The following ZNF426 variants were observed in gnomAD, a reference collection of about 807,000 sequenced individuals.
ZNF426 encodes CTC-543D15.7.
A neutral mutation model predicts 24.0 loss-of-function variants in ZNF426; 23 were observed. The ratio of observed to expected loss-of-function variants is 0.96; its 90% CI spans 0.69 to 1.36. The LOEUF (loss-of-function observed/expected upper bound fraction) is 1.36. Ranked by LOEUF, ZNF426 falls within the 40% of genes most tolerant of loss-of-function variation. The pLI, the probability that ZNF426 is intolerant of heterozygous loss-of-function variation, is 0.00. For synonymous variants in ZNF426, 272 were observed against 224.6 expected, an observed-to-expected ratio of 1.21 and a Z score of -1.89; for missense variants, 646 against 658.4, an observed-to-expected ratio of 0.98 and a Z score of 0.21.
In ZNF426 at chr19:9,529,254, G is replaced by C; in HGVS notation, c.791C>G (p.Ser264Cys). The change falls in exon 8 of 8, where the codon TCT (serine) becomes TGT (cysteine). Residue 264 changes from serine to cysteine, a missense_variant. Physicochemically the swap from Ser to Cys is moderately radical, Grantham distance 112. Coordinates refer to ENST00000253115, the MANE Select transcript of ZNF426 (RefSeq NM_024106.3). ...WRNYGPGFID[S>C]TSLSVLIETL... ...TTCTATAAGCACAGAAAGGCTTGTAGAGTCAATAAAACCTGGCCCATAATT... is the reference window on the plus strand; with the variant it reads ...TTCTATAAGCACAGAAAGGCTTGTACAGTCAATAAAACCTGGCCCATAATT... 2 of 1,613,846 alleles carry C rather than the reference G, an allele frequency of 1.2e-6. No individual in the cohort carries two copies. Among genetic ancestry groups the C allele is most frequent in the Non-Finnish European group, 1.7e-6 (2 of 1,179,938 alleles).
chr19:9,527,735 C>G lies in ZNF426; in HGVS notation c.*645G>C, dbSNP rs1218006441. ...AGCCACCACAACAAAATACCACAGA[C>G]TGGGTGGCTCAAACAAGAGAATTTT... On this transcript the variant is annotated 3_prime_UTR_variant, in exon 8 of 8. Transcript: ENST00000253115. The G allele has an allele frequency of 6.6e-6, 1 of 152,206 alleles. No homozygotes were observed. Among genetic ancestry groups the G allele is most frequent in the African/African-American group, 2.4e-5 (1 of 41,444 alleles). The allele number at this position is 152,206 out of a possible 1,614,324, so 9.4% of individuals were successfully genotyped here. A position where few individuals can be genotyped will look rare whatever the true frequency, so the allele number is the denominator to read the frequency against.
chr19:9,537,528 G>T (rs1007344824), intron 2 of ZNF426, among the ~76,000 whole-genome samples: 5 of 148,954 alleles, frequency 3.4e-5, no homozygotes, highest in Non-Finnish European at 7.4e-5. Flanking sequence ...GGGCTCAAGA[G>T]ATCTTCCTGC....
At chr19:9,531,374 G>A (rs1439609321) in intron 6 of ZNF426, among the ~76,000 whole-genome samples, 1 of 152,158 alleles carries the variant, frequency 6.6e-6, no homozygotes, top group South Asian at 2.1e-4. Context: ...AACAAACAGA[G>A]TGAACCACAA....
At chr19:9,536,464 G>A (rs941012378) in intron 2 of ZNF426, 108 bp from the exon 3 acceptor site, 4 of 1,124,446 alleles carry the variant, frequency 3.6e-6, no homozygotes, top group Admixed American at 2.5e-5. Context: ...ATTTTGGGAG[G>A]CCAGGGTGGG....
At position 9,532,918 on chromosome 19, in the gene ZNF426, C is replaced by A. The variant is rs1384153358; in HGVS notation, c.252G>T (p.Gln84His). The A allele has an allele frequency of 1.2e-6, 2 of 1,613,442 alleles. No homozygotes were observed. The highest frequency in any genetic ancestry group is 1.6e-4 in the Middle Eastern group (1 of 6,080). Reference protein sequence around the residue: ...NYKNLATVGGQIIKPSLISWL... With the variant: ...NYKNLATVGGHIIKPSLISWL... The stretch of plus-strand genomic sequence containing the variant: ...AAGAGATTAGACTGGGTTTGATGAT[C>A]TGACCTCCTGAGCACAGAGAAATAC... The change falls in exon 6 of 8, where the codon CAG becomes CAT. Residue 84 changes from glutamine to histidine, a missense_variant. Physicochemically the swap from Gln to His is conservative, Grantham distance 24. Transcript: ENST00000253115.
intron 5 of ZNF426, among the ~76,000 whole-genome samples, chr19:9,533,626 G>A (rs2073920931): frequency 1.3e-5 from 2 of 152,140 alleles, no homozygotes; most frequent in Non-Finnish European, 1.5e-5. Flanking sequence ...GGGTGGAGAA[G>A]GAAAATGTAC....
rs1176822090 is a variant in ZNF426 at position 9,524,867 on chromosome 19, T to C, written c.*3513A>G. On this transcript the variant is annotated 3_prime_UTR_variant, in exon 8 of 8. Coordinates refer to ENST00000253115, the MANE Select transcript of ZNF426 (RefSeq NM_024106.3). ...GGTTTCTTTACCATGTGAGTTCATA[T>C]ACTTGAAATGAATTTAAATAACTAG... The C allele has an allele frequency of 3.3e-5, 5 of 151,800 alleles. No individual in the cohort carries two copies. The highest frequency in any genetic ancestry group is 5.9e-5 in the Non-Finnish European group (4 of 67,938). 9.4% of individuals were successfully genotyped at this position (151,800 alleles called of 1,614,324 possible).
chr19:9,530,371 C>G (rs2073864735), intron 7 of ZNF426, among the ~76,000 whole-genome samples: 1 of 151,888 alleles, frequency 6.6e-6, no homozygotes, highest in African/African-American at 2.4e-5. Flanking sequence ...GGGAGGATCA[C>G]TTGAGCCAAG....
chr19:9,528,576 G>A lies in ZNF426; in HGVS notation c.1469C>T (p.Ser490Leu), dbSNP rs1368030449. ...GTGAGTCCTTTCATGTATTTGAAATGAACTGGAATGACTGAAGGCCTTTCC... is the reference window on the plus strand; with the variant it reads ...GTGAGTCCTTTCATGTATTTGAAATAAACTGGAATGACTGAAGGCCTTTCC... ...QCGKAFSHSS[S>L]FQIHERTHTG... Residue 490 changes from serine to leucine, a missense_variant, in exon 8 of 8, where the codon TCA becomes TTA. Coordinates refer to ENST00000253115, the MANE Select transcript of ZNF426 (RefSeq NM_024106.3). 1 of 1,613,556 alleles carries A rather than the reference G, an allele frequency of 6.2e-7. No homozygotes were observed. The highest frequency in any genetic ancestry group is 1.7e-5 in the Admixed American group (1 of 59,948).
intron 6 of ZNF426, 123 bp downstream of exon 6, chr19:9,532,722 A>C: frequency 1.5e-6 from 1 of 652,086 alleles, no homozygotes; most frequent in Non-Finnish European, 2.6e-6. Context: ...AATATTTCCT[A>C]ACTTTCTCTA....
Position 9,528,375 on chromosome 19 carries a change from T to C in ZNF426, c.*5A>G. 1 of 1,564,172 alleles carries C rather than the reference T, an allele frequency of 6.4e-7. No homozygotes were observed. Among genetic ancestry groups the C allele is most frequent in the Non-Finnish European group, 8.6e-7 (1 of 1,157,832 alleles). On this transcript the variant is annotated 3_prime_UTR_variant, in exon 8 of 8. Coordinates refer to ENST00000253115, the MANE Select transcript of ZNF426 (RefSeq NM_024106.3). ...TCCCACATTTATTACATGGACAGTT[T>C]CTCACTAGTGAATTTGTTCATGTCT... is the stretch of plus-strand genomic sequence containing the variant.
chr19:9,529,729 T>C, intron 7 of ZNF426, 93 bp from the exon 8 acceptor site: 1 of 1,244,738 alleles, frequency 8.0e-7, no homozygotes, highest in South Asian at 1.5e-5. Context: ...ATGGTGATTA[T>C]AATTGATGCC....
In ZNF426 at chr19:9,523,370, T is replaced by G. The variant is rs1353545446; in HGVS notation, c.*5010A>C. ...TCTCTTTGCCTTGAAGGTAACCATT[T>G]CCGGTCACTTCACATAAAATTCTGT... On this transcript the variant is annotated 3_prime_UTR_variant, in exon 8 of 8. Coordinates refer to ENST00000253115, the MANE Select transcript of ZNF426 (RefSeq NM_024106.3). The G allele has an allele frequency of 2.0e-5, 3 of 152,196 alleles. No individual in the cohort carries two copies. The highest frequency in any genetic ancestry group is 7.2e-5 in the African/African-American group (3 of 41,444). The allele number at this position is 152,196 out of a possible 1,614,324, so 9.4% of individuals were successfully genotyped here.
At chr19:9,534,398 G>C (rs1056032745) in intron 4 of ZNF426, among the ~76,000 whole-genome samples, 11 of 151,738 alleles carry the variant, frequency 7.2e-5, no homozygotes, top group Non-Finnish European at 1.5e-4. Context: ...GTAGAGATAG[G>C]GTTTCAGCAT....
chr19:9,529,959 A>G (rs1182333868), intron 7 of ZNF426, among the ~76,000 whole-genome samples: 1 of 152,050 alleles, frequency 6.6e-6, no homozygotes, highest in Non-Finnish European at 1.5e-5. Flanking sequence ...TGTCTCTACT[A>G]AAAATACAAA....
chr19:9,529,293 A>C lies in ZNF426; in HGVS notation c.752T>G (p.Leu251Arg). 1 of 1,613,876 alleles carries C rather than the reference A, an allele frequency of 6.2e-7. No individual in the cohort carries two copies. The highest frequency in any genetic ancestry group is 8.5e-7 in the Non-Finnish European group (1 of 1,179,950). ...AHMRTHNGEK[L>R]YEWRNYGPGF... is the part of the protein sequence containing the mutation. ...TGGCCCATAATTCCTCCATTCGTAGAGTTTTTCTCCATTGTGAGTTCTCAT... is the reference window on the plus strand; with the variant it reads ...TGGCCCATAATTCCTCCATTCGTAGCGTTTTTCTCCATTGTGAGTTCTCAT... Residue 251 changes from leucine to arginine, a missense_variant, in exon 8 of 8, where the codon CTC becomes CGC. By Grantham distance (102) the Leu-to-Arg change is moderately radical. Coordinates refer to ENST00000253115, the MANE Select transcript of ZNF426 (RefSeq NM_024106.3).
chr19:9,528,428 T>C lies in ZNF426; in HGVS notation c.1617A>G (p.Lys539=), dbSNP rs1325825929. The change falls in exon 8 of 8, where the codon AAA becomes AAG. Residue 539 remains lysine (K), a synonymous_variant. Transcript: ENST00000253115. ...GAAGTGAACGGGGATGACTGTAAGCTTTCCCGCATTGCTGACATTTATAGG... is the reference window on the plus strand; with the variant it reads ...GAAGTGAACGGGGATGACTGTAAGCCTTCCCGCATTGCTGACATTTATAGG... ...EKPYKCQQCG[K]AYSHPRSLRR... 6.2e-7 allele frequency: 1 copy of C among 1,610,770 alleles called. No homozygotes were observed. The highest frequency in any genetic ancestry group is 8.5e-7 in the Non-Finnish European group (1 of 1,178,764).
At chr19:9,532,204 T>C (rs1373215814) in intron 6 of ZNF426, among the ~76,000 whole-genome samples, 1 of 151,976 alleles carries the variant, frequency 6.6e-6, no homozygotes, top group Non-Finnish European at 1.5e-5. Flanking sequence ...GACATAAGGG[T>C]TCATCATACT....
At chr19:9,531,949 C>T (rs1196327977) in intron 6 of ZNF426, among the ~76,000 whole-genome samples, 1 of 152,190 alleles carries the variant, frequency 6.6e-6, no homozygotes, top group African/African-American at 2.4e-5. Context: ...TGCACCATTG[C>T]ACTCCAGCCT....
Sources: allele counts gnomAD v4.1 joint callset (sites outside exome capture counted in the v4.1 genomes callset), GRCh38; gene constraint gnomAD v4.1.1; transcripts MANE v1.5; gene names NCBI Gene and HGNC (gene_info 2026-07-23, HGNC 2026-07-21).